The following FAT3 variants were observed in gnomAD, a reference collection of about 807,000 sequenced individuals.
FAT3 encodes the protein FAT atypical cadherin 3, also known as protocadherin Fat 3.
Under a neutral mutation model 310.2 loss-of-function variants are expected in FAT3, and 95 were observed. The ratio of observed to expected loss-of-function variants is 0.31; its 90% CI spans 0.26 to 0.36. FAT3 has a LOEUF of 0.36. Ranked by LOEUF, FAT3 falls within the 10% of genes least tolerant of loss-of-function variation. The probability of loss-of-function intolerance (pLI) is 1.00; values close to 1 mark genes in which losing one functional copy is unlikely to be tolerated. For missense variants in FAT3, 5,408 were observed against 5,715.6 expected (o/e 0.95, Z 1.74); for synonymous variants, 2,314 against 2,192.9 (o/e 1.06, Z -1.54).
chr11:92,644,751 C>A (rs1385485325), intron 3 of FAT3, among the ~76,000 whole-genome samples: 1 of 152,162 alleles, frequency 6.6e-6, no homozygotes, highest in East Asian at 1.9e-4. Context: ...CATTGCTGGC[C>A]CAGGTATTGC....
intron 2 of FAT3, among the ~76,000 whole-genome samples, chr11:92,500,375 G>A (rs948165479): frequency 2.6e-5 from 4 of 151,884 alleles, no homozygotes; most frequent in East Asian, 3.9e-4. Flanking sequence ...GAATGGTTTT[G>A]TGTTGGAGAT....
At position 92,866,990 on chromosome 11, in the gene FAT3, C is replaced by T. The variant is rs1949264704; in HGVS notation, c.11908C>T (p.Leu3970=). ...ALVQADNIRS[L]TDTRVTQVLS... ...GGTGCAAGCGGATAACATCCGCAGC[C>T]TGACTGACACGCGGGTCACGCAGGT... is the stretch of plus-strand genomic sequence containing the variant. The change falls in exon 22 of 28, where the codon CTG becomes TTG. Residue 3970 remains leucine, a synonymous_variant. Transcript: ENST00000525166. The T allele has an allele frequency of 1.9e-6, 3 of 1,610,018 alleles. No individual in the cohort carries two copies. The highest frequency in any genetic ancestry group is 4.5e-5 in the East Asian group (2 of 44,758).
Position 92,354,102 on chromosome 11 carries a change from C to A in FAT3, c.1990C>A (p.Pro664Thr), listed in dbSNP as rs1948655450. ...TATDGENLAD[P>T]MSINISVLHG... ...AACTGATGGAGAGAATCTTGCAGACCCCATGTCTATTAACATTTCAGTCCT... is the reference window on the plus strand; with the variant it reads ...AACTGATGGAGAGAATCTTGCAGACACCATGTCTATTAACATTTCAGTCCT... The change falls in exon 2 of 28, where the codon CCC becomes ACC. Residue 664 changes from proline to threonine, a missense_variant. Coordinates refer to ENST00000525166, the MANE Select transcript of FAT3 (RefSeq NM_001367949.2). 1 of 1,613,662 alleles carries A rather than the reference C, an allele frequency of 6.2e-7. No homozygotes were observed. Among genetic ancestry groups the A allele is most frequent in the Non-Finnish European group, 8.5e-7 (1 of 1,179,804 alleles).
chr11:92,293,551 T>TATAA (rs1474976863), intron 1 of FAT3, among the ~76,000 whole-genome samples: 2 of 15,722 alleles, frequency 1.3e-4, no homozygotes, highest in African/African-American at 2.3e-4. Context: ...TATATATATA[T>TATAA]AAATAAAATA....
intron 3 of FAT3, among the ~76,000 whole-genome samples, chr11:92,609,217 C>A (rs535753122): frequency 3.3e-5 from 5 of 152,292 alleles, no homozygotes; most frequent in Non-Finnish European, 7.4e-5. Flanking sequence ...CACTTTTGCT[C>A]CATTGTGTCT....
chr11:92,657,349 T>C (rs1172447266), intron 3 of FAT3, among the ~76,000 whole-genome samples: 1 of 152,222 alleles, frequency 6.6e-6, no homozygotes, highest in Non-Finnish European at 1.5e-5. Flanking sequence ...AGTCATTTCA[T>C]GCTTCCTGGG....
At chr11:92,815,610 T>C (rs1947802595) in intron 13 of FAT3, among the ~76,000 whole-genome samples, 1 of 151,992 alleles carries the variant, frequency 6.6e-6, no homozygotes, top group Non-Finnish European at 1.5e-5. Context: ...AAGGAGCTGG[T>C]GAAAGCCAGA....
At chr11:92,886,692 A>G (rs1267487317) in intron 24 of FAT3, among the ~76,000 whole-genome samples, 5 of 152,238 alleles carry the variant, frequency 3.3e-5, no homozygotes, top group Non-Finnish European at 5.9e-5. Flanking sequence ...CAATGCAGCC[A>G]CTTCATCCTC....
intron 3 of FAT3, among the ~76,000 whole-genome samples, chr11:92,631,080 G>C (rs757639680): frequency 2.0e-5 from 3 of 152,122 alleles, no homozygotes; most frequent in Non-Finnish European, 4.4e-5. Context: ...CCCTCCTTCA[G>C]GTCTTCAGCA....
intron 19 of FAT3, among the ~76,000 whole-genome samples, chr11:92,847,214 C>T (rs1163567422): frequency 2.6e-5 from 4 of 152,264 alleles, no homozygotes; most frequent in South Asian, 2.1e-4. Context: ...TAGTCCCATA[C>T]GATTATAATA....
intron 3 of FAT3, among the ~76,000 whole-genome samples, chr11:92,581,798 A>AT (rs1450813620): frequency 6.6e-6 from 1 of 152,064 alleles, no homozygotes; most frequent in Non-Finnish European, 1.5e-5. Flanking sequence ...CTGTACATAA[A>AT]TTATTTAACC....
chr11:92,423,382 G>A (rs182853558), intron 2 of FAT3, among the ~76,000 whole-genome samples: 67 of 152,236 alleles, frequency 4.4e-4, no homozygotes, highest in Admixed American at 2.4e-3. Context: ...TTCTTATTGT[G>A]AGTCATGAAG....
At chr11:92,879,164 G>A (rs746223244) in intron 22 of FAT3, among the ~76,000 whole-genome samples, 7 of 152,318 alleles carry the variant, frequency 4.6e-5, no homozygotes, top group Non-Finnish European at 8.8e-5. Context: ...TGTCAAAGAG[G>A]TATCAGGGTG....
At chr11:92,393,198 G>T (rs1295742291) in intron 2 of FAT3, among the ~76,000 whole-genome samples, 1 of 152,094 alleles carries the variant, frequency 6.6e-6, no homozygotes, top group Admixed American at 6.5e-5. Context: ...ATGGAAGGCA[G>T]ATCTTACCTG....
intron 4 of FAT3, among the ~76,000 whole-genome samples, chr11:92,714,835 G>A (rs1029066895): frequency 2.6e-5 from 4 of 152,194 alleles, no homozygotes; most frequent in Admixed American, 6.5e-5. Flanking sequence ...GAACTATTTA[G>A]TTGAATGAAT....
In FAT3 at chr11:92,798,839, AAAC is replaced by A; in HGVS notation, c.5833_5835del (p.Asn1945del). Reference sequence around the variant, plus strand: ...CAAACAGTGGAGTACTTACCATAAAAAACAACAACCTCTCCAAGGATCACTACA... The same window carrying A: ...CAAACAGTGGAGTACTTACCATAAAAAACAACCTCTCCAAGGATCACTACA... On this transcript the variant is annotated inframe_deletion, in exon 10 of 28. Transcript: ENST00000525166. 1 of 1,613,932 alleles carries A rather than the reference AAAC, an allele frequency of 6.2e-7. No individual in the cohort carries two copies.
chr11:92,849,572 G>C (rs555884357), intron 19 of FAT3, among the ~76,000 whole-genome samples: 1 of 152,128 alleles, frequency 6.6e-6, no homozygotes, highest in Non-Finnish European at 1.5e-5. Context: ...AAGTTCCTTT[G>C]CTCCTTGACT....
At position 92,352,458 on chromosome 11, in the gene FAT3, A is replaced by G. The variant is rs1201553672; in HGVS notation, c.346A>G (p.Ile116Val). 23 of 1,612,652 alleles carry G rather than the reference A, an allele frequency of 1.4e-5. No individual in the cohort carries two copies. Among genetic ancestry groups the G allele is most frequent in the Middle Eastern group, 1.7e-4 (1 of 6,052 alleles). ...AAGAACTAAAGGTGGCAATTCTGCC[A>G]TATTAAATAGGGAAATCCAGGATAA... ...RIRTKGGNSAILNREIQDNYL... is the reference protein window; with the variant it reads ...RIRTKGGNSAVLNREIQDNYL... The change falls in exon 2 of 28, where the codon ATA becomes GTA. Residue 116 changes from isoleucine to valine, a missense_variant. Ile to Val is a conservative substitution (Grantham distance 29). This residue lies in a region of FAT3 where 152 missense variants were observed against 188.3 expected (regional missense o/e 0.81). Transcript: ENST00000525166.
chr11:92,350,743 T>C (rs1948543019), intron 1 of FAT3, among the ~76,000 whole-genome samples: 2 of 130,658 alleles, frequency 1.5e-5, no homozygotes, highest in African/African-American at 3.3e-5. Flanking sequence ...TACTTAGGAT[T>C]ATCATGAAGA....
Sources: allele counts gnomAD v4.1 joint callset (sites outside exome capture counted in the v4.1 genomes callset), GRCh38; gene constraint gnomAD v4.1.1; regional missense constraint gnomAD v4.1.1; transcripts MANE v1.5; gene names NCBI Gene and HGNC (gene_info 2026-07-23, HGNC 2026-07-21).